GPHN: variants seen among roughly 807,000 people sequenced by gnomAD.
GPHN encodes the protein gephyrin.
Under a neutral mutation model 95.5 loss-of-function variants are expected in GPHN, and 17 were observed. The ratio of observed to expected loss-of-function variants is 0.18; its 90% CI spans 0.12 to 0.27. The LOEUF (loss-of-function observed/expected upper bound fraction) is 0.27, where lower values mean the gene tolerates loss of function less well. Ranked by LOEUF, GPHN falls within the 10% of genes least tolerant of loss-of-function variation. The probability of loss-of-function intolerance (pLI) is 1.00; values close to 1 mark genes in which losing one functional copy is unlikely to be tolerated. For synonymous variants in GPHN, 320 were observed against 322.5 expected (o/e 0.99, Z 0.08); for missense variants, 660 against 978.1 (o/e 0.67, Z 4.34).
At chr14:66,859,202 G>A (rs1469380710) in intron 4 of GPHN, among the ~76,000 whole-genome samples, 1 of 152,174 alleles carries the variant, frequency 6.6e-6, no homozygotes, top group African/African-American at 2.4e-5. Context: ...CCTTGGGTAA[G>A]ACCCAGTGCT....
Position 66,730,397 on chromosome 14 carries a change from T to C in GPHN, c.144-46067T>C, listed in dbSNP as rs571371530. ...AATCGTTTGAATACCAAGCTGTTGA[T>C]ATATATATCTTCTGACTTTTTTAGG... On this transcript the variant is annotated intron_variant, in intron 2 of 22. Transcript: ENST00000478722. 3.3e-5 allele frequency among the ~76,000 whole-genome samples: 5 copies of C among 152,324 alleles called. 1 individual carries two copies. Among genetic ancestry groups the C allele is most frequent in the African/African-American group, 1.2e-4 (5 of 41,580 alleles).
intron 8 of GPHN, among the ~76,000 whole-genome samples, chr14:66,956,134 G>C (rs1189744691): frequency 1.3e-5 from 2 of 152,046 alleles, no homozygotes; most frequent in Non-Finnish European, 2.9e-5. Context: ...TTTGGGTTTA[G>C]TTTATACTTT....
intron 10 of GPHN, among the ~76,000 whole-genome samples, chr14:67,035,495 C>G (rs777221697): frequency 6.6e-6 from 1 of 151,646 alleles, no homozygotes; most frequent in Non-Finnish European, 1.5e-5. Context: ...AAACTCTTAG[C>G]TAGACAGACA....
chr14:66,856,127 G>T (rs754535234), intron 4 of GPHN, among the ~76,000 whole-genome samples: 1 of 152,064 alleles, frequency 6.6e-6, no homozygotes, highest in East Asian at 1.9e-4. Context: ...TAAAATATGC[G>T]AGGCCTTATA....
At chr14:67,279,234 G>C in the GPHN span, 1 of 1,612,920 alleles carries the variant, frequency 6.2e-7, no homozygotes, top group South Asian at 1.1e-5. Flanking sequence ...AAAAAATGTT[G>C]ATCTTGCATC....
intron 1 of GPHN, among the ~76,000 whole-genome samples, chr14:66,550,344 G>A (rs571951622): frequency 1.3e-4 from 20 of 152,336 alleles, no homozygotes; most frequent in Non-Finnish European, 2.5e-4. Context: ...GAAATAGCAA[G>A]AGAACTAGAA....
At chr14:67,016,380 T>C (rs1309046232) in intron 9 of GPHN, among the ~76,000 whole-genome samples, 1 of 152,020 alleles carries the variant, frequency 6.6e-6, no homozygotes, top group Non-Finnish European at 1.5e-5. Flanking sequence ...TAGGAGCAGA[T>C]CTAATAACTA....
chr14:67,203,159 T>C, the GPHN span: 5 of 1,613,884 alleles, frequency 3.1e-6, no homozygotes, highest in South Asian at 3.3e-5. Context: ...TAGGCATCTG[T>C]TTTTCCAGCT....
chr14:66,781,760 C>T (rs966118129), intron 3 of GPHN, among the ~76,000 whole-genome samples: 2 of 152,146 alleles, frequency 1.3e-5, no homozygotes, highest in Non-Finnish European at 2.9e-5. Flanking sequence ...TACCACAGAT[C>T]ACTGAGACAT....
intron 8 of GPHN, among the ~76,000 whole-genome samples, chr14:66,931,444 C>G (rs2066793528): frequency 6.6e-6 from 1 of 152,012 alleles, no homozygotes; most frequent in Admixed American, 6.6e-5. Context: ...CCTTTCTACC[C>G]TGATCTCAGT....
At chr14:67,080,643 G>A (rs1291210267) in intron 11 of GPHN, among the ~76,000 whole-genome samples, 2 of 152,074 alleles carry the variant, frequency 1.3e-5, no homozygotes, top group Non-Finnish European at 2.9e-5. Context: ...TTAGGGAACA[G>A]GTGGTGTTTG....
the GPHN span, among the ~76,000 whole-genome samples, chr14:67,591,242 C>T: frequency 7.9e-5 from 12 of 152,138 alleles, no homozygotes. Flanking sequence ...CCTTTACCTA[C>T]ATATTAAGCT....
At chr14:66,619,574 C>A (rs904997662) in intron 1 of GPHN, among the ~76,000 whole-genome samples, 1 of 148,372 alleles carries the variant, frequency 6.7e-6, no homozygotes, top group Non-Finnish European at 1.5e-5. Context: ...TGAGTTTTTT[C>A]CTTATTGTTG....
At chr14:67,129,521 C>T (rs1414566247) in intron 17 of GPHN, among the ~76,000 whole-genome samples, 1 of 152,078 alleles carries the variant, frequency 6.6e-6, no homozygotes, top group Non-Finnish European at 1.5e-5. Context: ...AATTTTATTT[C>T]TCATACTATT....
intron 11 of GPHN, among the ~76,000 whole-genome samples, chr14:67,061,449 T>A (rs532889943): frequency 7.2e-4 from 109 of 152,266 alleles, no homozygotes; most frequent in African/African-American, 2.4e-3. Context: ...CTGTTCAAAT[T>A]TGCTAATTCG....
intron 4 of GPHN, among the ~76,000 whole-genome samples, chr14:66,838,593 G>A (rs1293007082): frequency 3.9e-5 from 6 of 152,018 alleles, no homozygotes; most frequent in Non-Finnish European, 7.4e-5. Flanking sequence ...TGCAAAATAT[G>A]TGCTAAGAAA....
the GPHN span, among the ~76,000 whole-genome samples, chr14:67,433,128 A>C: frequency 6.6e-6 from 1 of 152,184 alleles, no homozygotes; most frequent in Non-Finnish European, 1.5e-5. Context: ...GTCCCAACCC[A>C]GGAAGTTGAT....
At chr14:67,041,143 T>G (rs1204266515) in intron 10 of GPHN, among the ~76,000 whole-genome samples, 1 of 152,126 alleles carries the variant, frequency 6.6e-6, no homozygotes, top group Non-Finnish European at 1.5e-5. Context: ...CAGCATATTT[T>G]CAAAATGAGA....
At chr14:66,832,270 T>C (rs2061607996) in intron 4 of GPHN, among the ~76,000 whole-genome samples, 1 of 152,200 alleles carries the variant, frequency 6.6e-6, no homozygotes, top group South Asian at 2.1e-4. Context: ...AAGTAGTAAA[T>C]GGCAATAAAT....
Sources: allele counts gnomAD v4.1 joint callset (sites outside exome capture counted in the v4.1 genomes callset), GRCh38; gene constraint gnomAD v4.1.1; transcripts MANE v1.5; gene names NCBI Gene and HGNC (gene_info 2026-07-23, HGNC 2026-07-21).